The following VAMP7 variants were observed in gnomAD, a reference collection of about 807,000 sequenced individuals.
VAMP7 encodes the protein vesicle-associated membrane protein 7.
In VAMP7, 14 loss-of-function variants were observed where a neutral mutation model predicts 29.6. The observed-to-expected ratio is 0.47, with a 90% CI of 0.31 to 0.74. The LOEUF (loss-of-function observed/expected upper bound fraction) is 0.74, where lower values mean the gene tolerates loss of function less well. Among genes scored for constraint, VAMP7 ranks in the 30% least tolerant of loss-of-function variants. The pLI is 0.05. For missense variants in VAMP7, 223 were observed against 262.4 expected, an observed-to-expected ratio of 0.85 and a Z score of 1.04; for synonymous variants, 95 against 88.1, an observed-to-expected ratio of 1.08 and a Z score of -0.44.
chrX:155,930,979 CAGT>C (rs989188969), intron 6 of VAMP7, among the ~76,000 whole-genome samples: 5 of 151,984 alleles, frequency 3.3e-5, no homozygotes, highest in African/African-American at 1.2e-4. Flanking sequence ...TTTGTCCTTG[CAGT>C]AGTTTGCTGA....
chrX:155,926,333 C>G (rs1479071398), intron 6 of VAMP7, among the ~76,000 whole-genome samples: 1 of 152,188 alleles, frequency 6.6e-6, no homozygotes, highest in Non-Finnish European at 1.5e-5. Context: ...ATGATCTTAG[C>G]TAGGTCTCCT....
intron 6 of VAMP7, among the ~76,000 whole-genome samples, chrX:155,927,565 C>G (rs918642645): frequency 2.9e-4 from 38 of 132,058 alleles, no homozygotes; most frequent in Admixed American, 2.7e-3. Flanking sequence ...GTAATTCTTT[C>G]TGTGTCCTTT....
chrX:155,930,663 A>AT (rs1569449737), intron 6 of VAMP7, among the ~76,000 whole-genome samples: 1 of 149,532 alleles, frequency 6.7e-6, no homozygotes. Flanking sequence ...AAAAAAAAAA[A>AT]ATTTTTTTTC....
chrX:155,918,203 G>T (rs781776571), intron 5 of VAMP7, among the ~76,000 whole-genome samples: 2 of 152,228 alleles, frequency 1.3e-5, no homozygotes, highest in South Asian at 4.2e-4. Flanking sequence ...TGTTGTGCTG[G>T]CAATGAGAAT....
intron 3 of VAMP7, 146 bp from the exon 4 acceptor site, chrX:155,897,966 C>T: frequency 9.6e-7 from 1 of 1,039,400 alleles, no homozygotes; most frequent in Middle Eastern, 3.2e-4. Context: ...CCTTCCTTTA[C>T]TTATCTTTAA....
chrX:155,930,756 A>G (rs2066539325), intron 6 of VAMP7, among the ~76,000 whole-genome samples: 1 of 151,798 alleles, frequency 6.6e-6, no homozygotes, highest in South Asian at 2.1e-4. Context: ...ACATGTGCAC[A>G]ACGTGCAGGT....
chrX:155,938,037 T>C (rs2066688586), intron 6 of VAMP7, among the ~76,000 whole-genome samples: 1 of 152,206 alleles, frequency 6.6e-6, no homozygotes, highest in Admixed American at 6.5e-5. Context: ...TGGAATGTTG[T>C]CATGTTATCT....
At chrX:155,922,691 A>T (rs1460975115) in intron 6 of VAMP7, among the ~76,000 whole-genome samples, 1 of 151,986 alleles carries the variant, frequency 6.6e-6, no homozygotes, top group Non-Finnish European at 1.5e-5. Context: ...TGGTATCAGG[A>T]ATATGCTGGC....
chrX:155,939,250 T>C (rs1376880476), intron 6 of VAMP7, among the ~76,000 whole-genome samples: 2 of 152,206 alleles, frequency 1.3e-5, no homozygotes, highest in African/African-American at 4.8e-5. Flanking sequence ...TGAAGTTCTA[T>C]GGGTTTTGGC....
At chrX:155,940,401 T>C (rs2066726588) in intron 7 of VAMP7, among the ~76,000 whole-genome samples, 1 of 152,176 alleles carries the variant, frequency 6.6e-6, no homozygotes, top group South Asian at 2.1e-4. Flanking sequence ...GTCCTCTGCC[T>C]TAGACAGCTG....
intron 1 of VAMP7, among the ~76,000 whole-genome samples, chrX:155,883,342 T>C (rs1166874327): frequency 6.6e-6 from 1 of 152,170 alleles, no homozygotes; most frequent in African/African-American, 2.4e-5. Flanking sequence ...CAGTGCCTTC[T>C]CTTCTTCCAT....
Position 155,938,377 on chromosome X carries a change from C to T in VAMP7, c.502-1324C>T, listed in dbSNP as rs141374003. ...AAGACTGGTGCCCCTGTCAGTTGTT[C>T]TACTGCAGAGACTTTGTGGAGTATG... On this transcript the variant is annotated intron_variant, in intron 6 of 7. Coordinates refer to ENST00000286448, the MANE Select transcript of VAMP7 (RefSeq NM_005638.6). 4.8e-3 allele frequency among the ~76,000 whole-genome samples: 731 copies of T among 152,262 alleles called. 4 individuals carry two copies. The highest frequency in any genetic ancestry group is 0.016 in the African/African-American group (678 of 41,542).
rs771769236 is a variant in VAMP7 at position 155,895,904 on chromosome X, G to T, written c.204+224G>T. 3.9e-5 allele frequency among the ~76,000 whole-genome samples: 6 copies of T among 152,198 alleles called. No homozygotes were observed. The South Asian group carries it at 8.3e-4, about 21-fold the overall frequency. On this transcript the variant is annotated intron_variant, in intron 3 of 7. Transcript: ENST00000286448. ...GCAGCAGCATTAGATTCTCATATGA[G>T]TGTGAACCCTGTTGTGAACTCTGCA...
chrX:155,927,106 G>A (rs965872057), intron 6 of VAMP7, among the ~76,000 whole-genome samples: 8 of 151,974 alleles, frequency 5.3e-5, no homozygotes, highest in African/African-American at 1.7e-4. Flanking sequence ...GACATGAGGC[G>A]ACCACATGCT....
rs187003935 is a variant in VAMP7 at position 155,938,672 on chromosome X, C to G, written c.502-1029C>G. Among the ~76,000 whole-genome samples, 27 of 152,150 alleles carry G rather than the reference C, an allele frequency of 1.8e-4. No individual in the cohort carries two copies. In the South Asian group the frequency reaches 5.6e-3, roughly 32 times the overall value. On this transcript the variant is annotated intron_variant, in intron 6 of 7. Transcript: ENST00000286448. ...TAGATTAATAAAACATAGCAGGGGC[C>G]GAGAGTGGTGGCACACACCTATAGT...
chrX:155,925,199 T>C (rs1165648874), intron 6 of VAMP7, among the ~76,000 whole-genome samples: 2 of 152,178 alleles, frequency 1.3e-5, no homozygotes, highest in Non-Finnish European at 2.9e-5. Flanking sequence ...CTGTTAATGT[T>C]TATATTTTGA....
chrX:155,893,172 T>C (rs1460732386), intron 2 of VAMP7, among the ~76,000 whole-genome samples: 3 of 152,184 alleles, frequency 2.0e-5, no homozygotes, highest in African/African-American at 7.2e-5. Flanking sequence ...CTTACAAGTC[T>C]GGTTTAGGAG....
chrX:155,938,892 A>G (rs1045341048), intron 6 of VAMP7, among the ~76,000 whole-genome samples: 26 of 152,182 alleles, frequency 1.7e-4, no homozygotes, highest in Non-Finnish European at 3.5e-4. Flanking sequence ...TGTGAGATTC[A>G]TCTGTGGTAA....
chrX:155,925,599 T>C (rs925976166), intron 6 of VAMP7, among the ~76,000 whole-genome samples: 1 of 152,180 alleles, frequency 6.6e-6, no homozygotes, highest in African/African-American at 2.4e-5. Context: ...ATATGCAAGA[T>C]GAACATTGGT....
Sources: gnomAD v4.1 joint callset for allele counts (sites outside exome capture counted in the v4.1 genomes callset) on GRCh38, gnomAD v4.1.1 for gene constraint, MANE v1.5 for transcripts, NCBI Gene and HGNC (gene_info 2026-07-23, HGNC 2026-07-21) for gene names.